ADGRE2: variants seen among roughly 807,000 people sequenced by gnomAD.
ADGRE2 encodes the protein adhesion G protein-coupled receptor E2, also known as CD97 antigen.
Under a neutral mutation model 100.8 loss-of-function variants are expected in ADGRE2, and 83 were observed. The ratio of observed to expected loss-of-function variants is 0.82; its 90% confidence interval spans 0.69 to 0.99. The LOEUF (loss-of-function observed/expected upper bound fraction) is 0.99. Ranked by LOEUF, ADGRE2 falls within the 50% of genes least tolerant of loss-of-function variation. The probability of loss-of-function intolerance (pLI) is 0.00; values close to 1 mark genes in which losing one functional copy is unlikely to be tolerated. For synonymous variants in ADGRE2, 355 were observed against 413.0 expected, an observed-to-expected ratio of 0.86 and a Z score of 1.70; for missense variants, 814 against 1,035.7, an observed-to-expected ratio of 0.79 and a Z score of 2.94.
At chr19:14,759,411 C>T (rs1229341720) in intron 11 of ADGRE2, among the ~76,000 whole-genome samples, 2 of 151,498 alleles carry the variant, frequency 1.3e-5, no homozygotes, top group African/African-American at 2.4e-5. Context: ...ATTTCTTTTT[C>T]ACTCCTGTAT....
intron 17 of ADGRE2, 32 bp from the exon 18 acceptor site, chr19:14,746,355 G>T (rs372054704): frequency 3.2e-4 from 357 of 1,101,308 alleles, no homozygotes; most frequent in Non-Finnish European, 4.2e-4. Context: ...TTGTTGAATA[G>T]ATTTTGAAAC....
chr19:14,765,767 G>C lies in ADGRE2; in HGVS notation c.672C>G (p.Asp224Glu). ...DECSSGQHQC[D>E]SSTVCFNTVG... ...CGGTGTTGAAGCAGACGGTGGAGCT[G>C]TCACACTGATGCTGCCCGGAGCTGC... is the stretch of plus-strand genomic sequence containing the variant. The change falls in exon 8 of 21, where the codon GAC becomes GAG. Residue 224 changes from aspartate to glutamate, a missense_variant. Asp to Glu is a conservative substitution (Grantham distance 45). Around this residue, in one of 5 missense-constraint regions of ADGRE2, gnomAD observed 19 missense variants for 64.7 expected, o/e 0.29. Coordinates refer to ENST00000315576, the MANE Select transcript of ADGRE2 (RefSeq NM_013447.4). 1.2e-6 allele frequency: 2 copies of C among 1,613,262 alleles called. No homozygotes were observed. The highest frequency in any genetic ancestry group is 2.2e-5 in the East Asian group (1 of 44,850).
intron 20 of ADGRE2, chr19:14,742,026 T>C: frequency 2.5e-6 from 1 of 398,622 alleles, no homozygotes; most frequent in Non-Finnish European, 4.4e-6. Flanking sequence ...CGGGCTCAAG[T>C]GATCTTCCTG....
intron 20 of ADGRE2, chr19:14,742,103 C>G: frequency 2.5e-6 from 1 of 398,604 alleles, no homozygotes; most frequent in Non-Finnish European, 4.4e-6. Context: ...TATAAAAAAG[C>G]ATTTAAACTG....
At chr19:14,767,160 C>T (rs568102056) in intron 5 of ADGRE2, 51 bp from the exon 6 acceptor site, 25 of 1,595,598 alleles carry the variant, frequency 1.6e-5, no homozygotes, top group South Asian at 6.7e-5. Flanking sequence ...GAGCAGCTTT[C>T]GGGGCTGAGG....
chr19:14,767,261 C>T lies in ADGRE2; in HGVS notation c.356-152G>A, dbSNP rs146799024. On this transcript the variant is annotated intron_variant, in intron 5 of 20. Coordinates refer to ENST00000315576, the MANE Select transcript of ADGRE2 (RefSeq NM_013447.4). ...TTCTTTCTTTTTTTTTTTTTTGAGA[C>T]GGAGTCTTGCTCTGTCACCCAGGCT... The T allele has an allele frequency of 4.0e-4, 521 of 1,317,840 alleles. 2 individuals are homozygous for T. The East Asian group carries it at 0.011, about 28-fold the overall frequency. 81.6% of individuals were successfully genotyped at this position (1,317,840 alleles called of 1,614,324 possible).
chr19:14,774,355 A>G, intron 2 of ADGRE2, 49 bp from the exon 3 acceptor site: 1 of 1,190,008 alleles, frequency 8.4e-7, no homozygotes, highest in Non-Finnish European at 1.2e-6. Context: ...AGGGTGGGAA[A>G]GGAGGCGTAA....
At position 14,735,919 on chromosome 19, in the gene ADGRE2, T is replaced by C. The variant is rs1252134471; in HGVS notation, c.*317A>G. 9.3e-6 allele frequency: 2 copies of C among 216,216 alleles called. No homozygotes were observed. Among genetic ancestry groups the C allele is most frequent in the African/African-American group, 2.3e-5 (1 of 44,044 alleles). The allele number at this position is 216,216 out of a possible 1,614,324, so 13.4% of individuals were successfully genotyped here. On this transcript the variant is annotated 3_prime_UTR_variant, in exon 21 of 21. Transcript: ENST00000315576. ...ATTTTAAGATTTGGAGGAGTCTTTG[T>C]AGGAAGGAGAGGCTGTGAAAGAGGT...
At chr19:14,769,772 T>G (rs1490837602) in intron 5 of ADGRE2, among the ~76,000 whole-genome samples, 1 of 152,036 alleles carries the variant, frequency 6.6e-6, no homozygotes, top group Non-Finnish European at 1.5e-5. Context: ...CATCTCGGCT[T>G]ACTGCAAGCT....
rs556924923 is a variant in ADGRE2 at position 14,748,297 on chromosome 19, A to G, written c.2025-1335T>C. 2.1e-5 allele frequency among the ~76,000 whole-genome samples: 3 copies of G among 144,708 alleles called. No homozygotes were observed. The East Asian group carries it at 6.1e-4, about 29-fold the overall frequency. 94.9% of individuals were successfully genotyped at this position (144,708 alleles called of 152,430 possible). On this transcript the variant is annotated intron_variant, in intron 16 of 20. Coordinates refer to ENST00000315576, the MANE Select transcript of ADGRE2 (RefSeq NM_013447.4). ...CCTCCAGCTCCATCCATATTGCTGC[A>G]AAGGACATGATCTTGTTATTTTATT...
chr19:14,758,718 A>G (rs543284597), intron 11 of ADGRE2, among the ~76,000 whole-genome samples: 1 of 152,186 alleles, frequency 6.6e-6, no homozygotes, highest in South Asian at 2.1e-4. Flanking sequence ...CCCCGTCTCT[A>G]CTAAAAATAC....
chr19:14,759,134 C>A (rs1449553350), intron 11 of ADGRE2, among the ~76,000 whole-genome samples: 1 of 152,084 alleles, frequency 6.6e-6, no homozygotes, highest in African/African-American at 2.4e-5. Context: ...GCTGGCTCCA[C>A]GTTGCCTGCT....
chr19:14,737,511 TA>T (rs752077196), intron 20 of ADGRE2, among the ~76,000 whole-genome samples: 1 of 152,094 alleles, frequency 6.6e-6, no homozygotes, highest in Non-Finnish European at 1.5e-5. Flanking sequence ...TCTTTAATCA[TA>T]AGGTTTTCTT....
rs1568623270 is a variant in ADGRE2, at chr19:14,770,680, T to TTTTC, written c.355+1661_355+1662insGAAA. 4.0e-3 allele frequency among the ~76,000 whole-genome samples: 110 copies of TTTTC among 27,664 alleles called. 5 individuals carry two copies. Among genetic ancestry groups the TTTTC allele is most frequent in the African/African-American group, 0.034 (104 of 3,060 alleles). 18.1% of individuals were successfully genotyped at this position (27,664 alleles called of 152,430 possible). A position where few individuals can be genotyped will look rare whatever the true frequency, so the allele number is the denominator to read the frequency against. ...TGTTTCTTTCTTTTCTTTTTTTTTT[T>TTTTC]TTTTTTTTTTTTTTTTTGAGACAAA... On this transcript the variant is annotated intron_variant, in intron 5 of 20. Coordinates refer to ENST00000315576, the MANE Select transcript of ADGRE2 (RefSeq NM_013447.4).
intron 11 of ADGRE2, 128 bp downstream of exon 11, chr19:14,764,305 C>G (rs2043866794): frequency 1.5e-5 from 12 of 792,210 alleles, no homozygotes; most frequent in Non-Finnish European, 2.5e-5. Context: ...TTTTTAATCT[C>G]TTATTTTAGT....
At chr19:14,742,235 A>G (rs1275001744) in intron 20 of ADGRE2, 2 of 393,536 alleles carry the variant, frequency 5.1e-6, no homozygotes, top group African/African-American at 2.1e-5. Flanking sequence ...TAATTTTGTT[A>G]TTTGTATTAT....
chr19:14,754,307 A>AGATCTCTCTCTATATATCTCTATATATG (rs2043405738), intron 14 of ADGRE2, among the ~76,000 whole-genome samples: 1 of 148,854 alleles, frequency 6.7e-6, no homozygotes, highest in African/African-American at 2.5e-5. Context: ...CTATATATAT[A>AGATCTCTCTCTATATATCTCTATATATG]GATCTCTCTC....
intron 20 of ADGRE2, among the ~76,000 whole-genome samples, chr19:14,736,969 C>T (rs1326871577): frequency 1.4e-5 from 2 of 145,440 alleles, no homozygotes; most frequent in African/African-American, 5.0e-5. Flanking sequence ...CCTATAATTT[C>T]CATTTTGAAA....
In ADGRE2 at chr19:14,733,590, C is replaced by T. The variant is rs1238202320; in HGVS notation, c.*2646G>A. ...CACTCTCCCTCCCATATAAGCACAACAAAAAAAACACAGAAGCAGTCCAAG... is the reference window on the plus strand; with the variant it reads ...CACTCTCCCTCCCATATAAGCACAATAAAAAAAACACAGAAGCAGTCCAAG... On this transcript the variant is annotated 3_prime_UTR_variant, in exon 21 of 21. Transcript: ENST00000315576. The T allele has an allele frequency of 6.6e-5, 10 of 151,770 alleles. No homozygotes were observed. Among genetic ancestry groups the T allele is most frequent in the African/African-American group, 2.2e-4 (9 of 41,374 alleles). The allele number at this position is 151,770 out of a possible 1,614,324, so 9.4% of individuals were successfully genotyped here.
Sources: allele counts gnomAD v4.1 joint callset (sites outside exome capture counted in the v4.1 genomes callset), GRCh38; gene constraint gnomAD v4.1.1; regional missense constraint gnomAD v4.1.1; transcripts MANE v1.5; gene names NCBI Gene and HGNC (gene_info 2026-07-23, HGNC 2026-07-21).